Variants in NPAS3 observed in about 807,000 individuals in gnomAD.
The protein encoded by NPAS3 is neuronal PAS domain protein 3.
In NPAS3, 14 loss-of-function variants were observed where a neutral mutation model predicts 73.1. The ratio of observed to expected loss-of-function variants is 0.19; its 90% CI spans 0.13 to 0.30. The LOEUF is 0.30. Ranked by LOEUF, NPAS3 falls within the 10% of genes least tolerant of loss-of-function variation. NPAS3 has a pLI of 1.00. For missense variants in NPAS3, 1,096 were observed against 1,250.0 expected (o/e 0.88, Z 1.86); for synonymous variants, 620 against 541.5 (o/e 1.14, Z -2.01).
At chr14:33,033,303 A>G (rs908282468) in intron 1 of NPAS3, among the ~76,000 whole-genome samples, 1 of 151,992 alleles carries the variant, frequency 6.6e-6, no homozygotes, top group Admixed American at 6.6e-5. Context: ...ACATGGTGAA[A>G]CCTTGTCTCT....
intron 1 of NPAS3, among the ~76,000 whole-genome samples, chr14:33,031,052 C>A (rs555049913): frequency 1.3e-5 from 2 of 152,190 alleles, no homozygotes; most frequent in African/African-American, 4.8e-5. Flanking sequence ...AATGCTGAGC[C>A]CTCTCTCCAG....
At chr14:33,754,964 T>C (rs1168151889) in intron 7 of NPAS3, among the ~76,000 whole-genome samples, 2 of 152,204 alleles carry the variant, frequency 1.3e-5, no homozygotes, top group Admixed American at 6.5e-5. Context: ...ATAGGGACAG[T>C]GAGAGTTAGC....
intron 3 of NPAS3, among the ~76,000 whole-genome samples, chr14:33,352,614 C>A (rs547058113): frequency 2.0e-5 from 3 of 152,250 alleles, no homozygotes; most frequent in South Asian, 2.1e-4. Flanking sequence ...TTCTGACTCC[C>A]AACAATTGTG....
intron 7 of NPAS3, among the ~76,000 whole-genome samples, chr14:33,766,899 A>G (rs1457150087): frequency 1.3e-5 from 2 of 152,028 alleles, no homozygotes; most frequent in African/African-American, 4.8e-5. Context: ...TCTCATCCAC[A>G]GTTGCTAAAC....
intron 1 of NPAS3, among the ~76,000 whole-genome samples, chr14:32,989,695 A>G (rs1595164752): frequency 6.6e-6 from 1 of 152,292 alleles, no homozygotes; most frequent in East Asian, 1.9e-4. Context: ...AAAACCTTGT[A>G]TTCTATGCAA....
intron 4 of NPAS3, among the ~76,000 whole-genome samples, chr14:33,391,341 G>T (rs1479116702): frequency 6.6e-6 from 1 of 152,018 alleles, no homozygotes; most frequent in Non-Finnish European, 1.5e-5. Context: ...TTACAGGCAT[G>T]CGCCACCACA....
At chr14:33,259,439 G>A (rs1458955308) in intron 3 of NPAS3, among the ~76,000 whole-genome samples, 1 of 152,096 alleles carries the variant, frequency 6.6e-6, no homozygotes, top group Non-Finnish European at 1.5e-5. Flanking sequence ...TTACTTTTAT[G>A]ATTTCACTTA....
intron 4 of NPAS3, among the ~76,000 whole-genome samples, chr14:33,411,990 A>C (rs898247755): frequency 1.2e-4 from 18 of 152,304 alleles, no homozygotes; most frequent in African/African-American, 4.1e-4. Context: ...CTCAATGTAC[A>C]ATGTAAAAGC....
chr14:33,135,513 C>T (rs1239574331), intron 2 of NPAS3, among the ~76,000 whole-genome samples: 1 of 152,046 alleles, frequency 6.6e-6, no homozygotes, highest in Non-Finnish European at 1.5e-5. Context: ...CATTGCTGTG[C>T]AAAAATTGCA....
At chr14:33,597,175 T>C (rs955893938) in intron 5 of NPAS3, among the ~76,000 whole-genome samples, 13 of 152,214 alleles carry the variant, frequency 8.5e-5, no homozygotes, top group African/African-American at 3.1e-4. Flanking sequence ...TCCCCTTCAC[T>C]AGTTCCTAGG....
chr14:33,680,920 T>C (rs1234331944), intron 6 of NPAS3: 38 of 447,270 alleles, frequency 8.5e-5, no homozygotes, highest in Non-Finnish European at 7.9e-6. Flanking sequence ...ATTAGGATCA[T>C]CATTATAGTA....
rs549284135 is a variant in NPAS3, at chr14:33,041,185, T to C, written c.51-14720T>C. ...AGTAATATATTTAAAATTTAATACA[T>C]ATTAATGGCCTCTAGTGATTTGTTC... On this transcript the variant is annotated intron_variant, in intron 1 of 11. Transcript: ENST00000356141. Among the ~76,000 whole-genome samples, 4 of 152,308 alleles carry C rather than the reference T, an allele frequency of 2.6e-5. No homozygotes were observed. In the South Asian group the frequency reaches 8.3e-4, roughly 32 times the overall value.
chr14:33,746,889 C>T (rs899870893), intron 7 of NPAS3, among the ~76,000 whole-genome samples: 29 of 145,040 alleles, frequency 2.0e-4, no homozygotes, highest in Admixed American at 6.1e-4. Context: ...TGCTATCCCT[C>T]CCCCGTCCCC....
At chr14:33,726,068 C>A (rs1050195897) in intron 6 of NPAS3, among the ~76,000 whole-genome samples, 9 of 152,124 alleles carry the variant, frequency 5.9e-5, no homozygotes, top group African/African-American at 2.2e-4. Flanking sequence ...GGTTTAAATT[C>A]TTTAATTAGC....
intron 4 of NPAS3, among the ~76,000 whole-genome samples, chr14:33,519,072 T>A (rs991073788): frequency 1.2e-4 from 19 of 152,106 alleles, no homozygotes; most frequent in African/African-American, 4.1e-4. Context: ...CAACCCTCTA[T>A]ACAAGTGACA....
intron 5 of NPAS3, among the ~76,000 whole-genome samples, chr14:33,607,609 G>A (rs567627379): frequency 6.6e-6 from 1 of 152,306 alleles, no homozygotes; most frequent in African/African-American, 2.4e-5. Context: ...CTTCACGGGT[G>A]CATTAATATG....
At chr14:33,707,114 C>T (rs891406181) in intron 6 of NPAS3, among the ~76,000 whole-genome samples, 1 of 152,178 alleles carries the variant, frequency 6.6e-6, no homozygotes, top group Non-Finnish European at 1.5e-5. Flanking sequence ...ATTGTGGGTA[C>T]TCACATCAGT....
intron 6 of NPAS3, among the ~76,000 whole-genome samples, chr14:33,726,257 T>C (rs989489015): frequency 1.3e-5 from 2 of 152,202 alleles, no homozygotes; most frequent in African/African-American, 4.8e-5. Flanking sequence ...TGGGTACATC[T>C]GAGAGCATTG....
intron 2 of NPAS3, among the ~76,000 whole-genome samples, chr14:33,077,966 C>T (rs1379084450): frequency 4.0e-5 from 6 of 151,500 alleles, no homozygotes; most frequent in South Asian, 2.1e-4. Flanking sequence ...GGTGAAACCC[C>T]GTCTCTACTA....
Sources: allele counts gnomAD v4.1 joint callset (sites outside exome capture counted in the v4.1 genomes callset), GRCh38; gene constraint gnomAD v4.1.1; transcripts MANE v1.5; gene names NCBI Gene and HGNC (gene_info 2026-07-23, HGNC 2026-07-21).